LNX2: variants seen among roughly 807,000 people sequenced by gnomAD.
LNX2 encodes ligand of numb-protein X 2.
Under a neutral mutation model 66.2 loss-of-function variants are expected in LNX2, and 35 were observed. The observed-to-expected ratio is 0.53, with a 90% CI of 0.40 to 0.70. LNX2 has a LOEUF of 0.70. LNX2 is among the 30% of genes least tolerant of loss of function. The pLI, the probability that LNX2 is intolerant of heterozygous loss-of-function variation, is 0.00. For synonymous variants in LNX2, 337 were observed against 315.6 expected (o/e 1.07, Z -0.72); for missense variants, 791 against 850.8 (o/e 0.93, Z 0.87).
At chr13:27,562,262 T>C (rs1332987488) in intron 5 of LNX2, 151 bp downstream of exon 5, 29 of 891,222 alleles carry the variant, frequency 3.3e-5, no homozygotes, top group Non-Finnish European at 4.9e-5. Context: ...GTTATACTAG[T>C]GTGGATTTTA....
chr13:27,557,484 A>T (rs2138328342), intron 6 of LNX2, among the ~76,000 whole-genome samples: 1 of 152,228 alleles, frequency 6.6e-6, no homozygotes, highest in East Asian at 1.9e-4. Flanking sequence ...CTATCCCATT[A>T]AGTGTACAGT....
intron 1 of LNX2, among the ~76,000 whole-genome samples, chr13:27,594,861 C>T (rs1245093167): frequency 1.3e-5 from 2 of 152,138 alleles, no homozygotes; most frequent in East Asian, 3.9e-4. Flanking sequence ...CACCACCTCT[C>T]TCAGTTATTT....
intron 1 of LNX2, among the ~76,000 whole-genome samples, chr13:27,582,523 T>C (rs975548635): frequency 1.3e-5 from 2 of 152,238 alleles, no homozygotes; most frequent in Non-Finnish European, 1.5e-5. Flanking sequence ...TACATTTGCA[T>C]GTCATCTTAG....
intron 2 of LNX2, among the ~76,000 whole-genome samples, chr13:27,579,395 G>A (rs1955374958): frequency 6.6e-6 from 1 of 152,022 alleles, no homozygotes; most frequent in Admixed American, 6.6e-5. Flanking sequence ...TCTTTTCACT[G>A]TATCTTTCAT....
chr13:27,556,423 A>T lies in LNX2; in HGVS notation c.1369-10T>A. 1 of 1,610,218 alleles carries T rather than the reference A, an allele frequency of 6.2e-7. No individual in the cohort carries two copies. The highest frequency in any genetic ancestry group is 1.1e-5 in the South Asian group (1 of 90,586). On this transcript the variant is annotated splice_polypyrimidine_tract_variant and intron_variant, in intron 6 of 9. Coordinates refer to ENST00000316334, the MANE Select transcript of LNX2 (RefSeq NM_153371.4). ...CACACTGAGTAAGATCCTAAAACAT[A>T]CAAGAAAAAAATCATTGGATAATGA... is the stretch of plus-strand genomic sequence containing the variant.
At chr13:27,561,819 T>A (rs1238983555) in intron 5 of LNX2, among the ~76,000 whole-genome samples, 1 of 152,222 alleles carries the variant, frequency 6.6e-6, no homozygotes, top group East Asian at 1.9e-4. Flanking sequence ...ATAGATCTCC[T>A]CTGGATGACT....
chr13:27,598,542 G>T (rs1330062678), intron 1 of LNX2, among the ~76,000 whole-genome samples: 9 of 152,138 alleles, frequency 5.9e-5, no homozygotes, highest in Non-Finnish European at 1.2e-4. Context: ...ATCAGGCATA[G>T]TGTCAACTGG....
At chr13:27,584,070 A>G (rs1955456851) in intron 1 of LNX2, among the ~76,000 whole-genome samples, 1 of 152,170 alleles carries the variant, frequency 6.6e-6, no homozygotes. Context: ...GAAGCAGGTA[A>G]AACTGTGCAG....
intron 2 of LNX2, among the ~76,000 whole-genome samples, chr13:27,571,371 G>C (rs569170936): frequency 1.6e-4 from 25 of 152,230 alleles, no homozygotes; most frequent in African/African-American, 6.0e-4. Context: ...CACTGATGAG[G>C]GCAAAAGCCC....
At chr13:27,583,237 T>TCCAATATAA (rs1371399760) in intron 1 of LNX2, among the ~76,000 whole-genome samples, 1 of 17,146 alleles carries the variant, frequency 5.8e-5, no homozygotes, top group Non-Finnish European at 1.2e-4. Context: ...TGTGTGTGTG[T>TCCAATATAA]GTGTGTGTGT....
chr13:27,598,121 A>C (rs1442252859), intron 1 of LNX2, among the ~76,000 whole-genome samples: 2 of 151,880 alleles, frequency 1.3e-5, no homozygotes, highest in Non-Finnish European at 2.9e-5. Context: ...CAATCTACAA[A>C]GCTTCTTCCA....
chr13:27,570,936 T>C (rs919331414), intron 2 of LNX2, among the ~76,000 whole-genome samples: 5 of 152,202 alleles, frequency 3.3e-5, no homozygotes, highest in South Asian at 2.1e-4. Context: ...CTTATAGTTA[T>C]TAAACACACA....
chr13:27,568,076 A>G (rs1210990631), intron 3 of LNX2, among the ~76,000 whole-genome samples: 1 of 152,194 alleles, frequency 6.6e-6, no homozygotes, highest in African/African-American at 2.4e-5. Context: ...TCAGATCACT[A>G]GGGACGACAC....
chr13:27,617,314 G>A (rs1401461429), intron 1 of LNX2, among the ~76,000 whole-genome samples: 2 of 152,132 alleles, frequency 1.3e-5, no homozygotes, highest in African/African-American at 4.8e-5. Flanking sequence ...AAACAACACT[G>A]CTTCCTAAAT....
intron 1 of LNX2, among the ~76,000 whole-genome samples, chr13:27,589,309 T>C (rs1463424040): frequency 2.0e-5 from 3 of 152,202 alleles, no homozygotes; most frequent in Non-Finnish European, 1.5e-5. Flanking sequence ...ATAAATTTTA[T>C]TCTATAAACT....
At chr13:27,554,125 C>CA (rs1239291076) in intron 7 of LNX2, among the ~76,000 whole-genome samples, 1 of 152,142 alleles carries the variant, frequency 6.6e-6, no homozygotes, top group African/African-American at 2.4e-5. Context: ...TTATCTCTCC[C>CA]AATTTATCAT....
intron 1 of LNX2, among the ~76,000 whole-genome samples, chr13:27,591,369 C>T (rs1358233377): frequency 6.6e-6 from 1 of 152,112 alleles, no homozygotes; most frequent in African/African-American, 2.4e-5. Flanking sequence ...TATAAAGAGG[C>T]TGTACTATAT....
At chr13:27,616,798 G>A (rs942668498) in intron 1 of LNX2, among the ~76,000 whole-genome samples, 11 of 152,204 alleles carry the variant, frequency 7.2e-5, no homozygotes, top group Non-Finnish European at 1.5e-4. Flanking sequence ...CACCCAGGCT[G>A]GAGCGCAGTG....
chr13:27,589,012 A>G (rs1955522740), intron 1 of LNX2, among the ~76,000 whole-genome samples: 1 of 152,228 alleles, frequency 6.6e-6, no homozygotes, highest in African/African-American at 2.4e-5. Flanking sequence ...GGCATTGTGA[A>G]AACAGTTTTG....
Sources: gnomAD v4.1 joint callset for allele counts (sites outside exome capture counted in the v4.1 genomes callset) on GRCh38, gnomAD v4.1.1 for gene constraint, MANE v1.5 for transcripts, NCBI Gene and HGNC (gene_info 2026-07-23, HGNC 2026-07-21) for gene names.